FMOD: variants seen among roughly 807,000 people sequenced by gnomAD.
FMOD encodes fibromodulin, also known as KSPG fibromodulin.
FMOD carries 15 observed loss-of-function variants against 27.0 expected under a neutral mutation model. The observed-to-expected ratio is 0.55, with a 90% CI of 0.37 to 0.85. The LOEUF (loss-of-function observed/expected upper bound fraction) is 0.85, where lower values mean the gene tolerates loss of function less well. FMOD is among the 40% of genes least tolerant of loss of function. The pLI is 0.00. For missense variants in FMOD, 460 were observed against 483.2 expected (o/e 0.95, Z 0.45); for synonymous variants, 210 against 214.0 (o/e 0.98, Z 0.16).
intron 2 of FMOD, among the ~76,000 whole-genome samples, chr1:203,346,322 G>T (rs527605302): frequency 6.6e-6 from 1 of 152,130 alleles, no homozygotes; most frequent in South Asian, 2.1e-4. Context: ...GGACTTTGCT[G>T]ACAGGAAGGG....
chr1:203,350,465 G>A (rs1441297695), intron 1 of FMOD, among the ~76,000 whole-genome samples: 1 of 152,106 alleles, frequency 6.6e-6, no homozygotes, highest in Admixed American at 6.5e-5. Context: ...CAGTGGAGAA[G>A]GTCAAGCCAG....
At chr1:203,346,912 A>T (rs1379431970) in intron 2 of FMOD, among the ~76,000 whole-genome samples, 1 of 152,092 alleles carries the variant, frequency 6.6e-6, no homozygotes, top group South Asian at 2.1e-4. Context: ...GACACGTGAC[A>T]TTTCCCAGCT....
chr1:203,342,054 G>C lies in FMOD; in HGVS notation c.*289C>G. The C allele has an allele frequency of 2.6e-6, 1 of 384,572 alleles. No homozygotes were observed. The highest frequency in any genetic ancestry group is 4.7e-6 in the Non-Finnish European group (1 of 210,912). The allele number at this position is 384,572 out of a possible 1,614,324, so 23.8% of individuals were successfully genotyped here. On this transcript the variant is annotated 3_prime_UTR_variant, in exon 3 of 3. Transcript: ENST00000354955. The stretch of plus-strand genomic sequence containing the variant: ...TGAAGTTCCATGACCTCAGATCATT[G>C]GGAAGAACTTAAGAGCCGTGAGATT...
rs1658922041 is a variant in FMOD at position 203,347,975 on chromosome 1, T to A, written c.296A>T (p.Tyr99Phe). 6.2e-7 allele frequency: 1 copy of A among 1,604,542 alleles called. No individual in the cohort carries two copies. The highest frequency in any genetic ancestry group is 2.2e-5 in the East Asian group (1 of 44,684). ...AMYCDNRNLK[Y>F]LPFVPSRMKY... ...CATGCGGGAGGGAACGAAGGGCAGG[T>A]ACTTGAGGTTGCGATTGTCACAGTA... The change falls in exon 2 of 3, where the codon TAC becomes TTC. Residue 99 changes from tyrosine (Y) to phenylalanine (F), a missense_variant. Tyr to Phe is a conservative substitution (Grantham distance 22). Coordinates refer to ENST00000354955, the MANE Select transcript of FMOD (RefSeq NM_002023.5).
intron 2 of FMOD, among the ~76,000 whole-genome samples, chr1:203,346,105 C>T (rs561549204): frequency 2.4e-4 from 37 of 152,258 alleles, no homozygotes; most frequent in African/African-American, 8.7e-4. Flanking sequence ...GCTGGTGCCT[C>T]TCTCACTCAG....
chr1:203,344,248 G>A (rs1473641014), intron 2 of FMOD, among the ~76,000 whole-genome samples: 1 of 152,148 alleles, frequency 6.6e-6, no homozygotes, highest in Non-Finnish European at 1.5e-5. Flanking sequence ...TGCAGGCTCC[G>A]TGATAGATTC....
Position 203,348,176 on chromosome 1 carries a change from C to A in FMOD, c.95G>T (p.Arg32Leu), listed in dbSNP as rs777163434. 6.2e-7 allele frequency: 1 copy of A among 1,613,958 alleles called. No homozygotes were observed. Among genetic ancestry groups the A allele is most frequent in the African/African-American group, 1.3e-5 (1 of 74,864 alleles). ...ATCGTAGTAGGTGGACTGCTGGCTG[C>A]GGAGGTAGTGGAACCACCAATGAGG... ...DDPHWWFHYL[R>L]SQQSTYYDPY... Residue 32 changes from arginine to leucine, a missense_variant, in exon 2 of 3, where the codon CGC becomes CTC. Transcript: ENST00000354955.
intron 1 of FMOD, among the ~76,000 whole-genome samples, chr1:203,350,592 C>A (rs557956798): frequency 1.5e-5 from 2 of 137,568 alleles, no homozygotes; most frequent in Non-Finnish European, 3.1e-5. Flanking sequence ...CACACACACA[C>A]ACACACACAC....
At chr1:203,343,247 G>T (rs6428002) in intron 2 of FMOD, among the ~76,000 whole-genome samples, 7 of 152,102 alleles carry the variant, frequency 4.6e-5, no homozygotes, top group African/African-American at 1.2e-4. Flanking sequence ...CCCCTAAACC[G>T]CAGAATTCTA....
Position 203,347,765 on chromosome 1 carries a change from C to T in FMOD, c.506G>A (p.Arg169Gln), listed in dbSNP as rs577370652. 1.3e-4 allele frequency: 203 copies of T among 1,613,804 alleles called. 6 individuals carry two copies. The South Asian group carries it at 1.9e-3, about 15-fold the overall frequency. The part of the protein sequence containing the change: ...RLYLDHNNLT[R>Q]MPGPLPRSLR... Reference sequence around the variant, plus strand: ...GGATCGAGGCAGGGGACCGGGCATCCGGGTCAGGTTGTTGTGGTCCAGGTA... The same window carrying T: ...GGATCGAGGCAGGGGACCGGGCATCTGGGTCAGGTTGTTGTGGTCCAGGTA... Residue 169 changes from arginine to glutamine, a missense_variant, in exon 2 of 3, where the codon CGG becomes CAG. Arg to Gln is a conservative substitution (Grantham distance 43). Coordinates refer to ENST00000354955, the MANE Select transcript of FMOD (RefSeq NM_002023.5).
chr1:203,347,623 G>C lies in FMOD; in HGVS notation c.648C>G (p.Gly216=), dbSNP rs902274286. ...GTGACCGGAGGCCCCTCATGGAACT[G>C]CCCACTTCCTGGATCTCATTGTGTT... ...YLQHNEIQEV[G]SSMRGLRSLI... The change falls in exon 2 of 3, where the codon GGC becomes GGG. Residue 216 remains glycine (G), a synonymous_variant. Coordinates refer to ENST00000354955, the MANE Select transcript of FMOD (RefSeq NM_002023.5). The C allele has an allele frequency of 3.1e-6, 5 of 1,614,078 alleles. No individual in the cohort carries two copies. Among genetic ancestry groups the C allele is most frequent in the African/African-American group, 1.3e-5 (1 of 74,924 alleles).
chr1:203,350,734 T>A (rs1204033724), intron 1 of FMOD, among the ~76,000 whole-genome samples: 1 of 152,188 alleles, frequency 6.6e-6, no homozygotes, highest in Admixed American at 6.5e-5. Context: ...CATGATGGGA[T>A]TTATGAGTAG....
chr1:203,350,210 G>A (rs958152102), intron 1 of FMOD, among the ~76,000 whole-genome samples: 12 of 152,140 alleles, frequency 7.9e-5, no homozygotes, highest in Admixed American at 3.3e-4. Flanking sequence ...TAGAGCCATG[G>A]GTGCTGAAAG....
At position 203,341,071 on chromosome 1, in the gene FMOD, C is replaced by A. The variant is rs1224456743; in HGVS notation, c.*1272G>T. The A allele has an allele frequency of 6.6e-6, 1 of 152,268 alleles. No individual in the cohort carries two copies. The highest frequency in any genetic ancestry group is 2.4e-5 in the African/African-American group (1 of 41,470). 9.4% of individuals were successfully genotyped at this position (152,268 alleles called of 1,614,324 possible). A position where few individuals can be genotyped will look rare whatever the true frequency, so the allele number is the denominator to read the frequency against. On this transcript the variant is annotated 3_prime_UTR_variant, in exon 3 of 3. Coordinates refer to ENST00000354955, the MANE Select transcript of FMOD (RefSeq NM_002023.5). The stretch of plus-strand genomic sequence containing the variant: ...AAGAATTAAGTGCTCCCCAGCCAAA[C>A]TATAAAGCAAAAGCCACCTTCACTA...
chr1:203,347,526 G>A lies in FMOD; in HGVS notation c.745C>T (p.Leu249=), dbSNP rs1434889186. The change falls in exon 2 of 3, where the codon CTG becomes TTG. Residue 249 remains leucine, a synonymous_variant. Transcript: ENST00000354955. Reference sequence around the variant, plus strand: ...TAGACATTGTTGTGCTCCATGTACAGCTGCTCAAGAGCTGAGGGCAGCCCA... The same window carrying A: ...TAGACATTGTTGTGCTCCATGTACAACTGCTCAAGAGCTGAGGGCAGCCCA... ...PDGLPSALEQ[L]YMEHNNVYTV... 2 of 1,614,110 alleles carry A rather than the reference G, an allele frequency of 1.2e-6. No homozygotes were observed. The highest frequency in any genetic ancestry group is 2.7e-5 in the African/African-American group (2 of 74,926).
chr1:203,349,625 A>G (rs1658957481), intron 1 of FMOD, among the ~76,000 whole-genome samples: 1 of 152,174 alleles, frequency 6.6e-6, no homozygotes, highest in Non-Finnish European at 1.5e-5. Context: ...TGGAAGAGTC[A>G]CATACAGCCC....
chr1:203,347,055 C>G (rs955301967), intron 2 of FMOD, among the ~76,000 whole-genome samples: 4 of 152,184 alleles, frequency 2.6e-5, no homozygotes, highest in Non-Finnish European at 5.9e-5. Flanking sequence ...TGAAACTTAC[C>G]TCTCCTGGAA....
In FMOD at chr1:203,347,691, T is replaced by G; in HGVS notation, c.580A>C (p.Asn194His). The change falls in exon 2 of 3, where the codon AAT (asparagine) becomes CAT (histidine). Residue 194 changes from asparagine (N) to histidine (H), a missense_variant. Coordinates refer to ENST00000354955, the MANE Select transcript of FMOD (RefSeq NM_002023.5). The part of the protein sequence containing the change: ...DHNQISRVPN[N>H]ALEGLENLTA... The stretch of plus-strand genomic sequence containing the variant: ...AGGTTCTCCAGCCCCTCCAGAGCAT[T>G]GTTGGGGACCCGTGAGATCTGGTTG... The G allele has an allele frequency of 6.2e-7, 1 of 1,614,108 alleles. No individual in the cohort carries two copies. Among genetic ancestry groups the G allele is most frequent in the Non-Finnish European group, 8.5e-7 (1 of 1,180,030 alleles).
chr1:203,343,858 A>G (rs1293919705), intron 2 of FMOD, among the ~76,000 whole-genome samples: 1 of 152,234 alleles, frequency 6.6e-6, no homozygotes, highest in Non-Finnish European at 1.5e-5. Context: ...TTAAATTAGC[A>G]TTTTCAATGG....
Sources: allele counts gnomAD v4.1 joint callset (sites outside exome capture counted in the v4.1 genomes callset), GRCh38; gene constraint gnomAD v4.1.1; transcripts MANE v1.5; gene names NCBI Gene and HGNC (gene_info 2026-07-23, HGNC 2026-07-21).